ZFAND2A: variants seen among roughly 807,000 people sequenced by gnomAD.
ZFAND2A encodes the protein AN1-type zinc finger protein 2A.
In ZFAND2A, 20 loss-of-function variants were observed where a neutral mutation model predicts 11.6. The observed-to-expected ratio is 1.72, with a 90% CI of 1.21 to 2.50. The LOEUF (loss-of-function observed/expected upper bound fraction) is 2.50, where lower values mean the gene tolerates loss of function less well. ZFAND2A is among the 30% of genes most tolerant of loss of function. The pLI is 0.00. For missense variants in ZFAND2A, 234 were observed against 182.9 expected (o/e 1.28, Z -1.61); for synonymous variants, 93 against 60.6 (o/e 1.54, Z -2.48).
chr7:1,156,125 TAAA>T (rs1562346269), intron 3 of ZFAND2A, among the ~76,000 whole-genome samples: 1,436 of 119,130 alleles, frequency 0.012, 127 homozygotes, highest in African/African-American at 0.026. Context: ...CCAGCAAGGC[TAAA>T]AACCTGAGCT....
downstream of ZFAND2A, among the ~76,000 whole-genome samples, chr7:1,150,191 T>C (rs2128256569): frequency 6.6e-6 from 1 of 152,254 alleles, no homozygotes; most frequent in South Asian, 2.1e-4. Context: ...CAGTATGTTC[T>C]GCGATCACCA....
downstream of ZFAND2A, among the ~76,000 whole-genome samples, chr7:1,151,121 C>A (rs1261258117): frequency 6.6e-6 from 1 of 152,150 alleles, no homozygotes; most frequent in East Asian, 1.9e-4. Context: ...CTCCTGACCT[C>A]AGGTGATCCG....
chr7:1,155,452 C>A lies in ZFAND2A; in HGVS notation c.282+1G>T, dbSNP rs762927748. 5.6e-6 allele frequency: 9 copies of A among 1,613,276 alleles called. No individual in the cohort carries two copies. In the South Asian group the frequency reaches 8.8e-5, roughly 16 times the overall value. On this transcript the variant is annotated splice_donor_variant, in intron 4 of 4. Transcript: ENST00000316495. LOFTEE classifies it high-confidence loss of function. ...GGAACTGAGGCGGGCTCTGTCCTTA[C>A]CTTCTCTTTCTTCTTCCCAGGGTGA... is the stretch of plus-strand genomic sequence containing the variant.
At position 1,153,044 on chromosome 7, in the gene ZFAND2A, C is replaced by G. The variant is rs78571969; in HGVS notation, c.*25G>C. On this transcript the variant is annotated 3_prime_UTR_variant, in exon 5 of 5. Transcript: ENST00000316495. ...CTTCCACGCATGCTACTGCGTGCTCCGAGCCATCGCAGCGGAGTCTCTTCT... is the reference window on the plus strand; with the variant it reads ...CTTCCACGCATGCTACTGCGTGCTCGGAGCCATCGCAGCGGAGTCTCTTCT... 3.7e-6 allele frequency: 6 copies of G among 1,613,798 alleles called. No homozygotes were observed. The African/African-American group carries it at 5.3e-5, about 14-fold the overall frequency.
At chr7:1,159,871 A>C (rs1490557886) in intron 1 of ZFAND2A, 93 bp downstream of exon 1, 1 of 57,264 alleles carries the variant, frequency 1.7e-5, no homozygotes, top group South Asian at 1.2e-4. Context: ...CAGCAGCCGC[A>C]CTCCTAGCAG....
At chr7:1,152,428 C>T, downstream of ZFAND2A, 2 of 1,434,120 alleles carry the variant, frequency 1.4e-6, no homozygotes, top group South Asian at 1.5e-5. Flanking sequence ...AAGCAACTAC[C>T]ACTGGCCTGG....
chr7:1,157,654 A>G lies in ZFAND2A; in HGVS notation c.150+2T>C. The G allele has an allele frequency of 6.3e-7, 1 of 1,576,374 alleles. No individual in the cohort carries two copies. Among genetic ancestry groups the G allele is most frequent in the Non-Finnish European group, 8.6e-7 (1 of 1,166,752 alleles). ...GAATCTTTTGAACAAAGGATCAATTACCTTCTGGAATGCAAACGGACACTT... is the reference window on the plus strand; with the variant it reads ...GAATCTTTTGAACAAAGGATCAATTGCCTTCTGGAATGCAAACGGACACTT... On this transcript the variant is annotated splice_donor_variant, in intron 3 of 4. Transcript: ENST00000316495. LOFTEE classifies it high-confidence loss of function.
chr7:1,153,227 AAG>A lies in ZFAND2A; in HGVS notation c.283-5_283-4del, dbSNP rs1563159572. On this transcript the variant is annotated splice_region_variant and splice_polypyrimidine_tract_variant and intron_variant, in intron 4 of 4. Coordinates refer to ENST00000316495, the MANE Select transcript of ZFAND2A (RefSeq NM_182491.4). ...TTTGAGCAACGGTATGTAAAAATCT[AAG>A]AGAGCAAAGTGACTTCAACAAGCAA... is the stretch of plus-strand genomic sequence containing the variant. The A allele has an allele frequency of 2.5e-6, 4 of 1,610,146 alleles. No homozygotes were observed. The highest frequency in any genetic ancestry group is 3.3e-5 in the Admixed American group (2 of 59,928).
intron 2 of ZFAND2A, 135 bp downstream of exon 2, chr7:1,158,023 C>A (rs1584030367): frequency 3.2e-6 from 3 of 940,498 alleles, no homozygotes; most frequent in Non-Finnish European, 3.3e-6. Context: ...AAGTGTCAAA[C>A]AGAACCTGCA....
chr7:1,151,903 T>C (rs1234728619), downstream of ZFAND2A, among the ~76,000 whole-genome samples: 1 of 151,888 alleles, frequency 6.6e-6, no homozygotes, highest in African/African-American at 2.4e-5. Flanking sequence ...CACACGGCAG[T>C]GCAAACGGGA....
downstream of ZFAND2A, among the ~76,000 whole-genome samples, chr7:1,151,662 G>A (rs1011643280): frequency 1.3e-5 from 2 of 150,768 alleles, no homozygotes; most frequent in Non-Finnish European, 2.9e-5. Flanking sequence ...GGGAGGCTGA[G>A]GCAGGAGAAT....
intron 4 of ZFAND2A, among the ~76,000 whole-genome samples, chr7:1,155,096 G>A (rs902345978): frequency 1.3e-5 from 2 of 152,150 alleles, no homozygotes; most frequent in African/African-American, 4.8e-5. Flanking sequence ...TGGCACTCCA[G>A]CCTGGGTGAC....
intron 3 of ZFAND2A, among the ~76,000 whole-genome samples, chr7:1,156,065 C>T (rs1009406977): frequency 7.9e-5 from 12 of 152,244 alleles, no homozygotes; most frequent in African/African-American, 1.7e-4. Flanking sequence ...TACTAACGAC[C>T]GTCACTGGCT....
chr7:1,150,475 A>T (rs1364675803), downstream of ZFAND2A, among the ~76,000 whole-genome samples: 1 of 152,190 alleles, frequency 6.6e-6, no homozygotes, highest in Admixed American at 6.5e-5. Context: ...GTTCCCAGGA[A>T]ATCACTGCAC....
chr7:1,155,361 T>A (rs372720998), intron 4 of ZFAND2A, 92 bp downstream of exon 4: 1 of 1,541,906 alleles, frequency 6.5e-7, no homozygotes, highest in Non-Finnish European at 8.8e-7. Flanking sequence ...GTACATAAAC[T>A]ATTGGGAGTA....
chr7:1,150,378 G>C (rs553305161), downstream of ZFAND2A, among the ~76,000 whole-genome samples: 1 of 143,994 alleles, frequency 6.9e-6, no homozygotes, highest in African/African-American at 2.7e-5. Flanking sequence ...GGGACATCTG[G>C]TGGGCACAGC....
At chr7:1,150,651 C>T (rs1793381442), downstream of ZFAND2A, among the ~76,000 whole-genome samples, 1 of 152,212 alleles carries the variant, frequency 6.6e-6, no homozygotes, top group African/African-American at 2.4e-5. Context: ...CCCCTTCCCT[C>T]CCGTTTTGGC....
chr7:1,153,296 G>A (rs546378250), intron 4 of ZFAND2A, 72 bp from the exon 5 acceptor site: 39 of 1,536,140 alleles, frequency 2.5e-5, no homozygotes, highest in South Asian at 1.1e-4. Context: ...TGCCCAGGCT[G>A]GAGTGCAGTG....
At chr7:1,152,356 G>A (rs1415558319), downstream of ZFAND2A, 10 of 1,552,156 alleles carry the variant, frequency 6.4e-6, no homozygotes, top group East Asian at 2.4e-4. Flanking sequence ...TACAGAGAGG[G>A]TGGATGGATC....
Sources: allele counts gnomAD v4.1 joint callset (sites outside exome capture counted in the v4.1 genomes callset), GRCh38; gene constraint gnomAD v4.1.1; transcripts MANE v1.5; gene names NCBI Gene and HGNC (gene_info 2026-07-23, HGNC 2026-07-21).